The following CACTIN variants were observed in gnomAD, a reference collection of about 807,000 sequenced individuals.
CACTIN encodes splicing factor Cactin.
In CACTIN, 20 loss-of-function variants were observed where a neutral mutation model predicts 84.9. The observed-to-expected ratio is 0.24, with a 90% CI of 0.17 to 0.34. The LOEUF (loss-of-function observed/expected upper bound fraction) is 0.34, where lower values mean the gene tolerates loss of function less well. Ranked by LOEUF, CACTIN falls within the 10% of genes least tolerant of loss-of-function variation. The pLI is 1.00. For synonymous variants in CACTIN, 549 were observed against 467.9 expected (o/e 1.17, Z -2.24); for missense variants, 897 against 1,117.2 (o/e 0.80, Z 2.81).
In CACTIN at chr19:3,612,176, C is replaced by T; in HGVS notation, c.2024G>A (p.Gly675Glu). 1 of 1,613,644 alleles carries T rather than the reference C, an allele frequency of 6.2e-7. No individual in the cohort carries two copies. The highest frequency in any genetic ancestry group is 8.5e-7 in the Non-Finnish European group (1 of 1,179,906). The change falls in exon 10 of 10, where the codon GGA becomes GAA. Residue 675 changes from glycine (G) to glutamate (E), a missense_variant. This residue lies in a region of CACTIN where 5 missense variants were observed against 32.3 expected (regional missense o/e 0.15). Transcript: ENST00000429344. ...FDNPPPKIVQ[G>E]YKFNIFYPDL... ...GGGGTAGAAGATGTTGAACTTGTAT[C>T]CCTGCACGATCTTGGGCGGTGGGTT...
intron 2 of CACTIN, among the ~76,000 whole-genome samples, chr19:3,621,570 C>T (rs1034803748): frequency 6.6e-6 from 1 of 152,218 alleles, no homozygotes; most frequent in Admixed American, 6.5e-5. Flanking sequence ...AGCCTGGGGC[C>T]GCTTCCACAG....
Position 3,626,505 on chromosome 19 carries a change from G to C in CACTIN, c.167+91C>G, listed in dbSNP as rs1056289662. The stretch of plus-strand genomic sequence containing the variant: ...GGAAGCCCTCCCCGAGTAAGTCGGG[G>C]GTTTCCCGGTTCCCCGGGATCTCCA... On this transcript the variant is annotated intron_variant, in intron 1 of 9. Coordinates refer to ENST00000429344, the MANE Select transcript of CACTIN (RefSeq NM_001080543.2). 24 of 1,225,974 alleles carry C rather than the reference G, an allele frequency of 2.0e-5. No homozygotes were observed. The African/African-American group carries it at 3.6e-4, about 18-fold the overall frequency. 75.9% of individuals were successfully genotyped at this position (1,225,974 alleles called of 1,614,324 possible).
chr19:3,614,708 G>T (rs1008784864), intron 6 of CACTIN, 119 bp from the exon 7 acceptor site: 4 of 786,304 alleles, frequency 5.1e-6, no homozygotes, highest in Admixed American at 2.1e-5. Context: ...CCCCCACAGG[G>T]GTCCCATCCA....
intron 1 of CACTIN, among the ~76,000 whole-genome samples, chr19:3,625,721 C>A (rs2033319428): frequency 6.6e-6 from 1 of 152,202 alleles, no homozygotes; most frequent in Non-Finnish European, 1.5e-5. Flanking sequence ...AGCAAGACTC[C>A]GTCTCAAAAA....
intron 2 of CACTIN, among the ~76,000 whole-genome samples, chr19:3,621,517 A>G (rs946592098): frequency 7.2e-5 from 11 of 152,082 alleles, no homozygotes; most frequent in African/African-American, 2.2e-4. Context: ...CTGGCTGGGG[A>G]CCACCCCCAG....
chr19:3,617,115 T>A (rs998103989), intron 6 of CACTIN, among the ~76,000 whole-genome samples: 6 of 55,116 alleles, frequency 1.1e-4, no homozygotes, highest in Admixed American at 2.3e-4. Context: ...GTGAGACTCC[T>A]TCTCAAAAAA....
chr19:3,618,051 G>A (rs2033141659), intron 6 of CACTIN, among the ~76,000 whole-genome samples: 1 of 152,210 alleles, frequency 6.6e-6, no homozygotes, highest in African/African-American at 2.4e-5. Flanking sequence ...GAGAGGGAGG[G>A]CAGGGGAAGG....
In CACTIN at chr19:3,612,205, A is replaced by G; in HGVS notation, c.1995T>C (p.Phe665=). 6.2e-7 allele frequency: 1 copy of G among 1,613,432 alleles called. No homozygotes were observed. The highest frequency in any genetic ancestry group is 8.5e-7 in the Non-Finnish European group (1 of 1,179,906). ...GCACGATCTTGGGCGGTGGGTTGTC[A>G]AAGTCGTAGTGCGTCTGGTTGTACT... ...WNKYNQTHYD[F]DNPPPKIVQG... Residue 665 remains phenylalanine (F), a synonymous_variant, in exon 10 of 10, where the codon TTT becomes TTC. Coordinates refer to ENST00000429344, the MANE Select transcript of CACTIN (RefSeq NM_001080543.2).
chr19:3,625,700 C>A (rs2033318808), intron 1 of CACTIN, among the ~76,000 whole-genome samples: 1 of 152,258 alleles, frequency 6.6e-6, no homozygotes, highest in African/African-American at 2.4e-5. Context: ...GCACCCCAGC[C>A]TGGGCGACAG....
At position 3,613,443 on chromosome 19, in the gene CACTIN, C is replaced by G. The variant is rs200969177; in HGVS notation, c.1478+21G>C. ...TGCTCCGCGTCTGCATCGGCGTCCC[C>G]GGGGTGCCGGCCGGGCCTACCTGCG... is the stretch of plus-strand genomic sequence containing the variant. On this transcript the variant is annotated intron_variant, in intron 8 of 9. Coordinates refer to ENST00000429344, the MANE Select transcript of CACTIN (RefSeq NM_001080543.2). 5 of 1,561,378 alleles carry G rather than the reference C, an allele frequency of 3.2e-6. No individual in the cohort carries two copies. The South Asian group carries it at 4.7e-5, about 15-fold the overall frequency.
intron 4 of CACTIN, 127 bp downstream of exon 4, chr19:3,619,984 CGGGAAGGGGTCAGGAA>C: frequency 1.0e-6 from 1 of 993,794 alleles, no homozygotes; most frequent in South Asian, 1.6e-5. Flanking sequence ...CCTTGCCGCC[CGGGAAGGGGTCAGGAA>C]GGGAAGGTCC....
intron 6 of CACTIN, among the ~76,000 whole-genome samples, chr19:3,618,274 T>G (rs2033149057): frequency 1.3e-5 from 2 of 151,498 alleles, no homozygotes; most frequent in African/African-American, 4.9e-5. Flanking sequence ...GGGGTGCTCC[T>G]GACCCTGGGT....
intron 6 of CACTIN, 161 bp from the exon 7 acceptor site, chr19:3,614,750 C>G: frequency 1.6e-6 from 1 of 641,332 alleles, no homozygotes; most frequent in Non-Finnish European, 2.8e-6. Context: ...CAGGTTGTCC[C>G]CACCCTGGCC....
intron 1 of CACTIN, 132 bp downstream of exon 1, chr19:3,626,464 A>C: frequency 9.7e-7 from 1 of 1,032,776 alleles, no homozygotes; most frequent in Non-Finnish European, 1.3e-6. Flanking sequence ...CCGGTGGTCA[A>C]TTGTCCCCTT....
Position 3,619,064 on chromosome 19 carries a change from G to A in CACTIN, c.1047+16C>T, listed in dbSNP as rs1037713155. 1.0e-5 allele frequency: 16 copies of A among 1,551,508 alleles called. No homozygotes were observed. Among genetic ancestry groups the A allele is most frequent in the Non-Finnish European group, 1.3e-5 (15 of 1,147,134 alleles). On this transcript the variant is annotated intron_variant, in intron 5 of 9. Transcript: ENST00000429344. ...TGAGGGTGCAGGTCAGAGGAGCATCGGGTGGGGCTGGGTACCTGGATATCC... is the reference window on the plus strand; with the variant it reads ...TGAGGGTGCAGGTCAGAGGAGCATCAGGTGGGGCTGGGTACCTGGATATCC...
Position 3,626,777 on chromosome 19 carries a change from G to A in CACTIN, c.-15C>T. ...TCCCGACCCATCGGCTGGGCCAGTGGCCGCGGCACCAACACCAATAGCCGA... is the reference window on the plus strand; with the variant it reads ...TCCCGACCCATCGGCTGGGCCAGTGACCGCGGCACCAACACCAATAGCCGA... On this transcript the variant is annotated 5_prime_UTR_variant, in exon 1 of 10. Transcript: ENST00000429344. 1 of 1,370,374 alleles carries A rather than the reference G, an allele frequency of 7.3e-7. No homozygotes were observed. The highest frequency in any genetic ancestry group is 9.4e-7 in the Non-Finnish European group (1 of 1,059,304). The allele number at this position is 1,370,374 out of a possible 1,614,324, so 84.9% of individuals were successfully genotyped here.
intron 6 of CACTIN, chr19:3,616,729 CT>C (rs2145321439): frequency 6.6e-6 from 1 of 152,386 alleles, no homozygotes; most frequent in African/African-American, 2.4e-5. Context: ...TCACTCATGC[CT>C]TTAATCCTAG....
chr19:3,620,612 C>T (rs1178519653), intron 3 of CACTIN, 95 bp downstream of exon 3: 1 of 969,226 alleles, frequency 1.0e-6, no homozygotes, highest in Non-Finnish European at 1.5e-6. Context: ...GCCCCCAGGA[C>T]TTCCCACTTA....
chr19:3,617,350 C>T (rs1384787974), intron 6 of CACTIN, among the ~76,000 whole-genome samples: 1 of 152,238 alleles, frequency 6.6e-6, no homozygotes, highest in Admixed American at 6.5e-5. Flanking sequence ...TGTGGGTCTC[C>T]AGGGGGACAG....
Sources: gnomAD v4.1 joint callset for allele counts (sites outside exome capture counted in the v4.1 genomes callset) on GRCh38, gnomAD v4.1.1 for gene constraint, gnomAD v4.1.1 regional missense constraint, MANE v1.5 for transcripts, NCBI Gene and HGNC (gene_info 2026-07-23, HGNC 2026-07-21) for gene names.